Variants in DPP10 observed in about 807,000 individuals in gnomAD.
DPP10 encodes inactive dipeptidyl peptidase 10.
A neutral mutation model predicts 120.9 loss-of-function variants in DPP10; 33 were observed. The observed-to-expected ratio is 0.27, with a 90% CI of 0.21 to 0.37. The LOEUF (loss-of-function observed/expected upper bound fraction) is 0.37, where lower values mean the gene tolerates loss of function less well. Among genes scored for constraint, DPP10 ranks in the 10% least tolerant of loss-of-function variants. DPP10 has a pLI of 1.00. For missense variants in DPP10, 816 were observed against 942.8 expected, an observed-to-expected ratio of 0.87 and a Z score of 1.76; for synonymous variants, 337 against 326.1, an observed-to-expected ratio of 1.03 and a Z score of -0.36.
intron 1 of DPP10, among the ~76,000 whole-genome samples, chr2:114,949,994 C>G (rs1295522698): frequency 1.3e-5 from 2 of 152,082 alleles, no homozygotes; most frequent in African/African-American, 2.4e-5. Context: ...GGTTCATCAT[C>G]TTTTCAGAAA....
chr2:115,317,387 A>G (rs2061845469), intron 2 of DPP10, among the ~76,000 whole-genome samples: 1 of 152,172 alleles, frequency 6.6e-6, no homozygotes, highest in Admixed American at 6.6e-5. Flanking sequence ...TTTATGGCTC[A>G]TAGCAATCCA....
intron 1 of DPP10, among the ~76,000 whole-genome samples, chr2:114,519,336 G>A (rs1414914879): frequency 6.6e-5 from 10 of 152,100 alleles, no homozygotes; most frequent in South Asian, 2.1e-4. Context: ...AACTGTTTAC[G>A]AGACCTCACT....
intron 1 of DPP10, among the ~76,000 whole-genome samples, chr2:114,494,237 T>C (rs1682295882): frequency 6.6e-6 from 1 of 152,146 alleles, no homozygotes; most frequent in Admixed American, 6.5e-5. Context: ...CAACTTCTTC[T>C]GCCTCATTTT....
intron 1 of DPP10, among the ~76,000 whole-genome samples, chr2:114,497,562 A>G (rs1261474932): frequency 6.6e-6 from 1 of 151,964 alleles, no homozygotes; most frequent in Non-Finnish European, 1.5e-5. Context: ...TGTTCCCATT[A>G]TGGGTCTATA....
intron 1 of DPP10, among the ~76,000 whole-genome samples, chr2:114,880,923 G>A (rs1189725870): frequency 1.3e-5 from 2 of 152,104 alleles, no homozygotes; most frequent in East Asian, 3.9e-4. Flanking sequence ...AGAAGATTGA[G>A]GCAAAGGGCT....
At chr2:114,679,881 A>G (rs1698911304) in intron 1 of DPP10, among the ~76,000 whole-genome samples, 1 of 152,006 alleles carries the variant, frequency 6.6e-6, no homozygotes, top group Admixed American at 6.6e-5. Flanking sequence ...GAGCTTCAGC[A>G]TAGAAAACCT....
chr2:114,713,096 C>T (rs747669241), intron 1 of DPP10, among the ~76,000 whole-genome samples: 25 of 150,690 alleles, frequency 1.7e-4, no homozygotes, highest in Non-Finnish European at 2.9e-4. Context: ...AAGCGATTCT[C>T]CTGCCTCAGC....
At chr2:115,663,188 A>C (rs549525488) in intron 5 of DPP10, among the ~76,000 whole-genome samples, 84 of 152,182 alleles carry the variant, frequency 5.5e-4, no homozygotes, top group Non-Finnish European at 9.7e-4. Context: ...AATGAAAAAA[A>C]TGCAATGTTT....
At chr2:115,173,791 T>C (rs1362479570) in intron 1 of DPP10, among the ~76,000 whole-genome samples, 1 of 152,198 alleles carries the variant, frequency 6.6e-6, no homozygotes, top group Non-Finnish European at 1.5e-5. Flanking sequence ...GATGTACATA[T>C]ATTCTGAAGG....
At chr2:115,408,036 A>G (rs116820623) in intron 3 of DPP10, among the ~76,000 whole-genome samples, 1,647 of 152,068 alleles carry the variant, frequency 0.011, 25 homozygotes, top group African/African-American at 0.038. Context: ...GAGGGAGGGA[A>G]AATGAAGCAT....
chr2:115,120,883 A>C (rs540323701), intron 1 of DPP10, among the ~76,000 whole-genome samples: 1 of 152,284 alleles, frequency 6.6e-6, no homozygotes, highest in South Asian at 2.1e-4. Context: ...AAATCTCTTT[A>C]CCTTTATAAC....
intron 21 of DPP10, among the ~76,000 whole-genome samples, chr2:115,824,506 T>C (rs1290159995): frequency 6.6e-6 from 1 of 152,132 alleles, no homozygotes; most frequent in East Asian, 1.9e-4. Flanking sequence ...AGTGTGTGAT[T>C]TTCCCCTCCC....
At chr2:114,760,772 C>G (rs1406860666) in intron 1 of DPP10, among the ~76,000 whole-genome samples, 3 of 151,870 alleles carry the variant, frequency 2.0e-5, no homozygotes, top group African/African-American at 7.3e-5. Flanking sequence ...AGTGAAATTC[C>G]TATTAAAAAG....
chr2:114,489,323 A>G (rs1681781088), intron 1 of DPP10, among the ~76,000 whole-genome samples: 2 of 152,106 alleles, frequency 1.3e-5, no homozygotes, highest in Non-Finnish European at 2.9e-5. Flanking sequence ...CCTTGGGCCA[A>G]GTTCAGCTGT....
intron 1 of DPP10, among the ~76,000 whole-genome samples, chr2:115,033,415 T>A (rs1198857823): frequency 6.6e-6 from 1 of 152,170 alleles, no homozygotes; most frequent in Non-Finnish European, 1.5e-5. Flanking sequence ...TGGCTCCTTT[T>A]GCTCAGCCAT....
intron 1 of DPP10, among the ~76,000 whole-genome samples, chr2:115,000,773 A>G (rs1290369377): frequency 6.6e-6 from 1 of 152,182 alleles, no homozygotes. Flanking sequence ...TTTCCTACCC[A>G]TATGTTGAAC....
chr2:114,632,503 G>GGT (rs1694998654), intron 1 of DPP10, among the ~76,000 whole-genome samples: 1 of 88,622 alleles, frequency 1.1e-5, no homozygotes, highest in African/African-American at 4.6e-5. Context: ...TGGACTTAGG[G>GGT]TTTTTTTTTT....
intron 5 of DPP10, among the ~76,000 whole-genome samples, chr2:115,664,241 A>G (rs975032648): frequency 6.6e-6 from 1 of 151,896 alleles, no homozygotes; most frequent in Non-Finnish European, 1.5e-5. Flanking sequence ...TTGTATACTA[A>G]TGAATATAAT....
At chr2:115,822,980 C>G (rs1008120329) in intron 21 of DPP10, among the ~76,000 whole-genome samples, 8 of 151,946 alleles carry the variant, frequency 5.3e-5, no homozygotes, top group Non-Finnish European at 1.0e-4. Context: ...AAATGTTTAG[C>G]TATATTTTAA....
Sources: gnomAD v4.1 joint callset for allele counts (sites outside exome capture counted in the v4.1 genomes callset) on GRCh38, gnomAD v4.1.1 for gene constraint, MANE v1.5 for transcripts, NCBI Gene and HGNC (gene_info 2026-07-23, HGNC 2026-07-21) for gene names.